Variants in OSBPL9 observed in about 807,000 individuals in gnomAD.
The protein encoded by OSBPL9 is oxysterol binding protein like 9.
OSBPL9 carries 40 observed loss-of-function variants against 106.6 expected under a neutral mutation model. That is an observed-to-expected ratio of 0.38 (90% confidence interval 0.29 to 0.49). The LOEUF (loss-of-function observed/expected upper bound fraction) is 0.49. Ranked by LOEUF, OSBPL9 falls within the 20% of genes least tolerant of loss-of-function variation. The pLI is 0.97. For missense variants in OSBPL9, 609 were observed against 887.2 expected, an observed-to-expected ratio of 0.69 and a Z score of 3.98; for synonymous variants, 269 against 295.4, an observed-to-expected ratio of 0.91 and a Z score of 0.92.
At chr1:51,784,157 T>A in intron 18 of OSBPL9, 107 bp from the exon 19 acceptor site, 1 of 1,415,148 alleles carries the variant, frequency 7.1e-7, no homozygotes, top group Non-Finnish European at 1.0e-6. Context: ...ACTAGATAGG[T>A]TATCCCTAAA....
upstream of OSBPL9, among the ~76,000 whole-genome samples, chr1:51,574,751 C>T (rs1026312038): frequency 2.0e-5 from 3 of 152,074 alleles, no homozygotes; most frequent in African/African-American, 7.2e-5. Flanking sequence ...GGGACTCATC[C>T]CTTACACATA....
chr1:51,765,596 A>G (rs1371894787), intron 11 of OSBPL9: 2 of 359,872 alleles, frequency 5.6e-6, no homozygotes, highest in South Asian at 5.5e-5. Flanking sequence ...GAATGAGGAC[A>G]TAGCTTTTTG....
chr1:51,705,390 TATATATA>T (rs1267831201), intron 3 of OSBPL9, among the ~76,000 whole-genome samples: 3 of 64,720 alleles, frequency 4.6e-5, no homozygotes, highest in Non-Finnish European at 9.4e-5. Context: ...TATATATATA[TATATATA>T]TATTTTTTTT....
intron 2 of OSBPL9, among the ~76,000 whole-genome samples, chr1:51,607,147 T>C (rs528648718): frequency 1.3e-5 from 2 of 151,136 alleles, no homozygotes; most frequent in South Asian, 4.2e-4. Context: ...CAGATGTTTT[T>C]CTTTTCTTTT....
intron 11 of OSBPL9, among the ~76,000 whole-genome samples, chr1:51,763,600 A>G (rs1486916784): frequency 2.0e-5 from 3 of 152,170 alleles, no homozygotes; most frequent in Non-Finnish European, 4.4e-5. Context: ...CCTGTGATTT[A>G]AAAAATTCGA....
intron 1 of OSBPL9, among the ~76,000 whole-genome samples, chr1:51,588,655 A>C (rs572176788): frequency 1.3e-5 from 2 of 152,310 alleles, no homozygotes; most frequent in East Asian, 3.9e-4. Flanking sequence ...TGTCTCAAAA[A>C]CAAAAGAAAA....
intron 3 of OSBPL9, among the ~76,000 whole-genome samples, chr1:51,713,322 G>T (rs753959915): frequency 1.3e-5 from 2 of 151,802 alleles, no homozygotes; most frequent in Non-Finnish European, 2.9e-5. Context: ...GCTAATTTTT[G>T]TATTTTTAGT....
At chr1:51,533,478 T>C in the OSBPL9 span, among the ~76,000 whole-genome samples, 1 of 131,994 alleles carries the variant, frequency 7.6e-6, no homozygotes. Flanking sequence ...AGAGCAAGAC[T>C]CTGTCTCAAA....
chr1:51,787,702 CTT>C lies in OSBPL9; in HGVS notation c.2137-11_2137-10del, dbSNP rs559538455. ...GCAAATATGTAACTAAATTCTTCCTCTTTGTCTTACAGTTATTTCATGAAGAT... is the reference window on the plus strand; with the variant it reads ...GCAAATATGTAACTAAATTCTTCCTCTGTCTTACAGTTATTTCATGAAGAT... On this transcript the variant is annotated splice_polypyrimidine_tract_variant and intron_variant, in intron 23 of 23. Coordinates refer to ENST00000428468, the MANE Select transcript of OSBPL9 (RefSeq NM_024586.6). The C allele has an allele frequency of 3.9e-4, 632 of 1,610,756 alleles. 2 individuals carry two copies. The African/African-American group carries it at 6.5e-3, about 17-fold the overall frequency.
At chr1:51,784,945 C>T (rs1209871338) in intron 20 of OSBPL9, 1 of 232,208 alleles carries the variant, frequency 4.3e-6, no homozygotes, top group Non-Finnish European at 8.4e-6. Context: ...GCAGCACTGC[C>T]TCCTGGTCCT....
intron 15 of OSBPL9, among the ~76,000 whole-genome samples, chr1:51,779,566 T>C (rs1675832006): frequency 2.0e-5 from 3 of 152,116 alleles, no homozygotes; most frequent in African/African-American, 7.2e-5. Flanking sequence ...ATTAAAAAGT[T>C]TCTGCACAGC....
intron 4 of OSBPL9, among the ~76,000 whole-genome samples, chr1:51,715,067 A>T (rs1571278013): frequency 6.6e-6 from 1 of 152,340 alleles, no homozygotes; most frequent in East Asian, 1.9e-4. Context: ...AATTTAGAAA[A>T]TTTAATTGTA....
intron 3 of OSBPL9, among the ~76,000 whole-genome samples, chr1:51,687,686 A>C (rs1267757839): frequency 6.6e-6 from 1 of 152,226 alleles, no homozygotes; most frequent in Non-Finnish European, 1.5e-5. Context: ...AAATGTAAGA[A>C]GTGTCCTATA....
In OSBPL9 at chr1:51,784,038, G is replaced by T. The variant is rs1436836756; in HGVS notation, c.1624+13G>T. 4 of 1,582,462 alleles carry T rather than the reference G, an allele frequency of 2.5e-6. No homozygotes were observed. Among genetic ancestry groups the T allele is most frequent in the Non-Finnish European group, 2.6e-6 (3 of 1,152,070 alleles). ...AACATAGGGCAGGGTAAGTGTGTTG[G>T]CATTGGGTGGACTACAATGTTATAG... On this transcript the variant is annotated intron_variant, in intron 18 of 23. Transcript: ENST00000428468.
intron 1 of OSBPL9, among the ~76,000 whole-genome samples, chr1:51,585,935 G>A (rs1645245328): frequency 6.6e-6 from 1 of 151,978 alleles, no homozygotes; most frequent in Non-Finnish European, 1.5e-5. Context: ...CACTTTGGGA[G>A]GCTGAGGCAG....
chr1:51,748,548 TTAAAGGAATTTAAA>T (rs1668523963), intron 7 of OSBPL9, 150 bp downstream of exon 7: 1 of 878,792 alleles, frequency 1.1e-6, no homozygotes, highest in African/African-American at 1.8e-5. Flanking sequence ...GTATTTTTTT[TTAAAGGAATTTAAA>T]ATAATACTAA....
chr1:51,540,340 AT>A, the OSBPL9 span, among the ~76,000 whole-genome samples: 1 of 151,778 alleles, frequency 6.6e-6, no homozygotes, highest in African/African-American at 2.4e-5. Context: ...TTGGCCCCAT[AT>A]TTGTTTTCTT....
Position 51,729,677 on chromosome 1 carries a change from C to T in OSBPL9, c.318+15598C>T, listed in dbSNP as rs1023667543. On this transcript the variant is annotated intron_variant, in intron 4 of 23. Coordinates refer to ENST00000428468, the MANE Select transcript of OSBPL9 (RefSeq NM_024586.6). The surrounding 1 kb of genome is among the most constrained non-coding windows in gnomAD (Gnocchi z 5.1). ...CCTCTCCACCCAAAACTGGCCCAAC[C>T]GCCAATCGTCTGCCTCTCACCTCCT... is the stretch of plus-strand genomic sequence containing the variant. 1 of 475,508 alleles carries T rather than the reference C, an allele frequency of 2.1e-6. No homozygotes were observed. The highest frequency in any genetic ancestry group is 3.2e-6 in the Non-Finnish European group (1 of 315,794). The allele number at this position is 475,508 out of a possible 1,614,324, so 29.5% of individuals were successfully genotyped here.
the OSBPL9 span, among the ~76,000 whole-genome samples, chr1:51,541,222 T>C: frequency 6.6e-6 from 1 of 152,236 alleles, no homozygotes; most frequent in Non-Finnish European, 1.5e-5. Context: ...GGCTGAGTCT[T>C]AGTCACTTTC....
Sources: gnomAD v4.1 joint callset for allele counts (sites outside exome capture counted in the v4.1 genomes callset) on GRCh38, gnomAD v4.1.1 for gene constraint, Gnocchi (gnomAD v3.1) non-coding constraint, MANE v1.5 for transcripts, NCBI Gene and HGNC (gene_info 2026-07-23, HGNC 2026-07-21) for gene names.